The following DDR2 variants were observed in gnomAD, a reference collection of about 807,000 sequenced individuals.
DDR2 encodes the protein discoidin domain-containing receptor 2.
A neutral mutation model predicts 94.9 loss-of-function variants in DDR2; 27 were observed. The observed-to-expected ratio is 0.28, with a 90% confidence interval of 0.21 to 0.39. The LOEUF is 0.39. Among genes scored for constraint, DDR2 ranks in the 10% least tolerant of loss-of-function variants. The pLI is 1.00. For synonymous variants in DDR2, 382 were observed against 377.2 expected, an observed-to-expected ratio of 1.01 and a Z score of -0.15; for missense variants, 783 against 1,076.0, an observed-to-expected ratio of 0.73 and a Z score of 3.81.
At chr1:162,721,814 A>G (rs983576500) in intron 3 of DDR2, among the ~76,000 whole-genome samples, 3 of 152,234 alleles carry the variant, frequency 2.0e-5, no homozygotes, top group African/African-American at 7.2e-5. Flanking sequence ...TATGCAACCA[A>G]TTATTAAATT....
chr1:162,717,875 C>T (rs1045128002), intron 2 of DDR2, among the ~76,000 whole-genome samples: 5 of 152,078 alleles, frequency 3.3e-5, no homozygotes, highest in Non-Finnish European at 7.4e-5. Context: ...GAAAAGTGAC[C>T]CTTTTTCTTT....
chr1:162,728,045 C>CACACTATATATATCTATA (rs1661798919), intron 3 of DDR2, among the ~76,000 whole-genome samples: 1 of 115,234 alleles, frequency 8.7e-6, no homozygotes, highest in Non-Finnish European at 1.8e-5. Context: ...CTATATATAT[C>CACACTATATATATCTATA]TATATATAGA....
chr1:162,754,451 C>A (rs1274583266), intron 4 of DDR2, among the ~76,000 whole-genome samples, 173 bp from the exon 5 acceptor site: 2 of 152,158 alleles, frequency 1.3e-5, no homozygotes, highest in Non-Finnish European at 2.9e-5. Context: ...GGAAAGGGAT[C>A]TGACCACAAA....
At chr1:162,631,755 A>G (rs1656570480), upstream of DDR2, among the ~76,000 whole-genome samples, 1 of 152,090 alleles carries the variant, frequency 6.6e-6, no homozygotes, top group South Asian at 2.1e-4. Flanking sequence ...AAAGGAGGGA[A>G]AAAAAAGTTC....
chr1:162,697,974 C>A (rs533750111), intron 2 of DDR2, among the ~76,000 whole-genome samples: 1 of 152,276 alleles, frequency 6.6e-6, no homozygotes, highest in South Asian at 2.1e-4. Flanking sequence ...TTTTTCATTT[C>A]TAACCCTAAA....
chr1:162,696,473 C>A (rs991296308), intron 2 of DDR2, among the ~76,000 whole-genome samples: 1 of 151,920 alleles, frequency 6.6e-6, no homozygotes, highest in Non-Finnish European at 1.5e-5. Context: ...GACTCTTTCC[C>A]TTCTGTTTCC....
chr1:162,756,032 A>G (rs565194794), intron 7 of DDR2, among the ~76,000 whole-genome samples: 31 of 152,326 alleles, frequency 2.0e-4, no homozygotes, highest in African/African-American at 7.5e-4. Context: ...TATGGCTCTA[A>G]GTATAATAGC....
At chr1:162,746,547 G>A (rs921756942) in intron 3 of DDR2, among the ~76,000 whole-genome samples, 8 of 152,236 alleles carry the variant, frequency 5.3e-5, no homozygotes, top group African/African-American at 1.9e-4. Flanking sequence ...TGTGGGCAGG[G>A]CGTAGCTGAA....
intron 7 of DDR2, 135 bp downstream of exon 7, chr1:162,755,904 T>C (rs1663441808): frequency 1.2e-6 from 1 of 818,546 alleles, no homozygotes; most frequent in South Asian, 1.6e-5. Context: ...TTGGAAATAA[T>C]TTAGATGAAG....
intron 2 of DDR2, among the ~76,000 whole-genome samples, chr1:162,688,400 CTTG>C (rs1365399708): frequency 1.3e-5 from 2 of 152,290 alleles, no homozygotes; most frequent in East Asian, 1.9e-4. Flanking sequence ...ATGGAAACTA[CTTG>C]TTGTCGAAAT....
intron 2 of DDR2, among the ~76,000 whole-genome samples, chr1:162,658,199 T>A (rs1002317515): frequency 5.3e-5 from 8 of 152,182 alleles, no homozygotes; most frequent in Non-Finnish European, 7.3e-5. Context: ...TCGGAGGTCC[T>A]GGTTTTATGT....
chr1:162,773,715 C>A, intron 14 of DDR2, 119 bp downstream of exon 14: 1 of 1,340,260 alleles, frequency 7.5e-7, no homozygotes, highest in East Asian at 2.4e-5. Context: ...AGCTGCCTCC[C>A]ATTTCCACTG....
intron 1 of DDR2, among the ~76,000 whole-genome samples, chr1:162,636,317 T>C (rs1009554125): frequency 3.3e-5 from 5 of 152,160 alleles, no homozygotes; most frequent in Admixed American, 6.5e-5. Context: ...AATGCAAAGG[T>C]AGAGGAATTC....
At chr1:162,640,206 TA>T (rs1396084718) in intron 1 of DDR2, among the ~76,000 whole-genome samples, 2 of 152,026 alleles carry the variant, frequency 1.3e-5, no homozygotes, top group Non-Finnish European at 2.9e-5. Flanking sequence ...CACGCCCAAC[TA>T]ATTTTTGTAT....
At chr1:162,659,536 A>G (rs773718499) in intron 2 of DDR2, among the ~76,000 whole-genome samples, 7 of 152,132 alleles carry the variant, frequency 4.6e-5, no homozygotes, top group Admixed American at 3.3e-4. Context: ...AATACTGGAA[A>G]AGAGGACACT....
chr1:162,730,057 G>GGA (rs1661952865), intron 3 of DDR2, among the ~76,000 whole-genome samples: 1 of 66,628 alleles, frequency 1.5e-5, no homozygotes, highest in East Asian at 4.4e-4. Flanking sequence ...TTTTTTTTTT[G>GGA]CAAAAAAAAA....
chr1:162,776,699 A>G (rs1030782733), intron 16 of DDR2, among the ~76,000 whole-genome samples: 3 of 152,212 alleles, frequency 2.0e-5, no homozygotes, highest in Non-Finnish European at 4.4e-5. Flanking sequence ...TGTTACCTAT[A>G]CAAAATATTT....
At chr1:162,682,983 A>G (rs1659483503) in intron 2 of DDR2, among the ~76,000 whole-genome samples, 1 of 152,212 alleles carries the variant, frequency 6.6e-6, no homozygotes, top group Non-Finnish European at 1.5e-5. Context: ...ACATGTGAAA[A>G]TCCTCTACAA....
At chr1:162,732,979 CA>C (rs1662131270) in intron 3 of DDR2, among the ~76,000 whole-genome samples, 1 of 152,244 alleles carries the variant, frequency 6.6e-6, no homozygotes, top group African/African-American at 2.4e-5. Context: ...CTGGGCCTGC[CA>C]CAGCCTGTGC....
Sources: allele counts gnomAD v4.1 joint callset (sites outside exome capture counted in the v4.1 genomes callset), GRCh38; gene constraint gnomAD v4.1.1; transcripts MANE v1.5; gene names NCBI Gene and HGNC (gene_info 2026-07-23, HGNC 2026-07-21).